The following MIER1 variants were observed in gnomAD, a reference collection of about 807,000 sequenced individuals.
MIER1 encodes the protein MIER1 transcriptional regulator.
MIER1 carries 40 observed loss-of-function variants against 75.7 expected under a neutral mutation model. That is an observed-to-expected ratio of 0.53 (90% CI 0.41 to 0.69). MIER1 has a LOEUF of 0.69. MIER1 is among the 30% of genes least tolerant of loss of function. MIER1 has a pLI of 0.00. For synonymous variants in MIER1, 213 were observed against 223.4 expected (o/e 0.95, Z 0.42); for missense variants, 574 against 680.2 (o/e 0.84, Z 1.74).
At chr1:66,928,800 G>A (rs1394983586) in intron 2 of MIER1, 2 of 751,816 alleles carry the variant, frequency 2.7e-6, no homozygotes, top group Non-Finnish European at 4.4e-6. Context: ...TGAAAATACT[G>A]TACAGTACAG....
rs560141401 is a variant in MIER1 at position 66,936,729 on chromosome 1, G to A, written c.169-3299G>A. On this transcript the variant is annotated intron_variant, in intron 2 of 13. Coordinates refer to ENST00000401041, the MANE Select transcript of MIER1 (RefSeq NM_001077700.3). ...ATTTCAAAAAAGAGAGGCCGGGTGC[G>A]GTGGCTCACATCTGTAATCCCAGCA... Among the ~76,000 whole-genome samples, 9 of 151,990 alleles carry A rather than the reference G, an allele frequency of 5.9e-5. No individual in the cohort carries two copies. The South Asian group carries it at 1.2e-3, about 21-fold the overall frequency.
intron 2 of MIER1, among the ~76,000 whole-genome samples, chr1:66,930,049 AAGCGCCCCGCGCGG>A (rs1338003949): frequency 6.6e-6 from 1 of 152,128 alleles, no homozygotes; most frequent in Non-Finnish European, 1.5e-5. Context: ...GGAGCCAGCG[AAGCGCCCCGCGCGG>A]TTGCCCACCT....
At chr1:66,926,523 T>A (rs1651826064) in intron 2 of MIER1, among the ~76,000 whole-genome samples, 1 of 152,186 alleles carries the variant, frequency 6.6e-6, no homozygotes, top group Admixed American at 6.5e-5. Flanking sequence ...TATAAGTGTT[T>A]TAGAGTGGCA....
chr1:66,959,756 A>G lies in MIER1; in HGVS notation c.699+13A>G, dbSNP rs1660873697. ...AGACTGGAAAAAGGTAGTTAGAACA[A>G]TATTTTCCCAAAATTTAGATAAATT... On this transcript the variant is annotated intron_variant, in intron 7 of 13. Coordinates refer to ENST00000401041, the MANE Select transcript of MIER1 (RefSeq NM_001077700.3). 3.8e-6 allele frequency: 5 copies of G among 1,310,782 alleles called. No homozygotes were observed. The highest frequency in any genetic ancestry group is 3.2e-5 in the South Asian group (2 of 62,216). The allele number at this position is 1,310,782 out of a possible 1,614,324, so 81.2% of individuals were successfully genotyped here. A position where few individuals can be genotyped will look rare whatever the true frequency, so the allele number is the denominator to read the frequency against.
At chr1:66,935,426 CTCAGA>C (rs1654551893) in intron 2 of MIER1, among the ~76,000 whole-genome samples, 1 of 152,090 alleles carries the variant, frequency 6.6e-6, no homozygotes, top group African/African-American at 2.4e-5. Flanking sequence ...TGTTTTCCAT[CTCAGA>C]TAAGATAAAT....
rs1291611744 is a variant in MIER1 at position 66,984,613 on chromosome 1, G to A, written c.1411G>A (p.Glu471Lys). 6.2e-7 allele frequency: 1 copy of A among 1,609,382 alleles called. No homozygotes were observed. Among genetic ancestry groups the A allele is most frequent in the Non-Finnish European group, 8.5e-7 (1 of 1,178,678 alleles). Residue 471 changes from glutamate (E) to lysine (K), a missense_variant, in exon 14 of 14, where the codon GAA becomes AAA. By Grantham distance (56) the Glu-to-Lys change is moderately conservative. Coordinates refer to ENST00000401041, the MANE Select transcript of MIER1 (RefSeq NM_001077700.3). ...ACCAGGTGAAATATTAAACAAAGAG[G>A]AAGTAAAAGTTGAAGGGTTACACAT... ...NGPGEILNKE[E>K]VKVEGLHING...
intron 2 of MIER1, among the ~76,000 whole-genome samples, chr1:66,938,946 A>G (rs1655555618): frequency 6.6e-6 from 1 of 152,170 alleles, no homozygotes; most frequent in African/African-American, 2.4e-5. Context: ...AAATTTTAAT[A>G]CTTTATAGGA....
chr1:66,972,151 C>T (rs140989284), intron 10 of MIER1, among the ~76,000 whole-genome samples: 1 of 149,728 alleles, frequency 6.7e-6, no homozygotes, highest in Non-Finnish European at 1.5e-5. Context: ...GAAGCCATGA[C>T]TAAAATTTGG....
At chr1:66,933,063 A>G (rs1653838495) in intron 2 of MIER1, among the ~76,000 whole-genome samples, 1 of 152,166 alleles carries the variant, frequency 6.6e-6, no homozygotes, top group Non-Finnish European at 1.5e-5. Flanking sequence ...AATAAATAGC[A>G]TATGCTCCCT....
At chr1:66,945,574 G>T (rs1378080322) in intron 3 of MIER1, among the ~76,000 whole-genome samples, 1 of 152,088 alleles carries the variant, frequency 6.6e-6, no homozygotes, top group African/African-American at 2.4e-5. Flanking sequence ...AAATGGTTAA[G>T]AATTGTGATT....
chr1:66,960,862 T>A (rs1056249954), intron 7 of MIER1, among the ~76,000 whole-genome samples: 1 of 152,136 alleles, frequency 6.6e-6, no homozygotes, highest in Admixed American at 6.5e-5. Flanking sequence ...GTGCAGAAAT[T>A]AAGATGAAAA....
At chr1:66,945,924 T>C (rs987803661) in intron 3 of MIER1, among the ~76,000 whole-genome samples, 1 of 152,190 alleles carries the variant, frequency 6.6e-6, no homozygotes, top group Non-Finnish European at 1.5e-5. Context: ...ATTTATTATT[T>C]ACAATTTTTT....
At chr1:66,932,172 G>GA (rs540370698) in intron 2 of MIER1, among the ~76,000 whole-genome samples, 2 of 151,940 alleles carry the variant, frequency 1.3e-5, no homozygotes, top group Admixed American at 6.5e-5. Flanking sequence ...TAAGATAAAG[G>GA]AAAAAAATAT....
At chr1:66,981,067 TA>T (rs1408282469) in intron 12 of MIER1, among the ~76,000 whole-genome samples, 1 of 140,816 alleles carries the variant, frequency 7.1e-6, no homozygotes, top group Non-Finnish European at 1.5e-5. Context: ...TGTACATATA[TA>T]ATACAATAAC....
chr1:66,983,382 T>A (rs1666269182), intron 13 of MIER1, among the ~76,000 whole-genome samples: 1 of 152,244 alleles, frequency 6.6e-6, no homozygotes, highest in Non-Finnish European at 1.5e-5. Context: ...ATAGAATATT[T>A]TCTTCTATCA....
intron 12 of MIER1, among the ~76,000 whole-genome samples, chr1:66,978,092 A>T (rs1489713225): frequency 6.6e-6 from 1 of 151,846 alleles, no homozygotes; most frequent in African/African-American, 2.4e-5. Flanking sequence ...GCTACTCGGG[A>T]GACTGAGGCA....
At position 66,958,107 on chromosome 1, in the gene MIER1, A is replaced by C; in HGVS notation, c.388A>C (p.Ser130Arg). 1.2e-6 allele frequency: 2 copies of C among 1,612,396 alleles called. No individual in the cohort carries two copies. Among genetic ancestry groups the C allele is most frequent in the Admixed American group, 1.7e-5 (1 of 59,998 alleles). ...ACTTCTCAGCCTTTATGGTTATGGTAGTACTGTTCGACTACCTGAAGAAGA... is the reference window on the plus strand; with the variant it reads ...ACTTCTCAGCCTTTATGGTTATGGTCGTACTGTTCGACTACCTGAAGAAGA... ...HELLSLYGYG[S>R]TVRLPEEDEE... Residue 130 changes from serine to arginine, a missense_variant, in exon 5 of 14, where the codon AGT (serine) becomes CGT (arginine). Transcript: ENST00000401041.
At chr1:66,963,470 A>T (rs557033543) in intron 8 of MIER1, among the ~76,000 whole-genome samples, 1 of 152,306 alleles carries the variant, frequency 6.6e-6, no homozygotes, top group Admixed American at 6.5e-5. Context: ...CTAAACTTTA[A>T]CCCTTCTCTA....
Position 66,976,682 on chromosome 1 carries a change from C to T in MIER1, c.1189C>T (p.Arg397Ter), listed in dbSNP as rs1218835323. The change falls in exon 12 of 14, where the codon CGA becomes TGA. Residue 397 changes from arginine (R) to a stop codon, truncating the protein, a stop_gained. Coordinates refer to ENST00000401041, the MANE Select transcript of MIER1 (RefSeq NM_001077700.3). LOFTEE classifies it high-confidence loss of function. Reference sequence around the variant, plus strand: ...TTATGATTTCTTTGCTCAGCAAACACGATTTGGAAAGAAGAAATATAATCT... The same window carrying T: ...TTATGATTTCTTTGCTCAGCAAACATGATTTGGAAAGAAGAAATATAATCT... ...ERYDFFAQQTRFGKKKYNLHP... is the reference protein window; with the variant it reads ...ERYDFFAQQT 4 of 1,604,916 alleles carry T rather than the reference C, an allele frequency of 2.5e-6. No homozygotes were observed. The highest frequency in any genetic ancestry group is 1.7e-5 in the Admixed American group (1 of 58,804).
Sources: gnomAD v4.1 joint callset for allele counts (sites outside exome capture counted in the v4.1 genomes callset) on GRCh38, gnomAD v4.1.1 for gene constraint, MANE v1.5 for transcripts, NCBI Gene and HGNC (gene_info 2026-07-23, HGNC 2026-07-21) for gene names.